The following TUSC3 variants were observed in gnomAD, a reference collection of about 807,000 sequenced individuals.
TUSC3 encodes tumor suppressor candidate 3, also known as dolichyl-diphosphooligosaccharide--protein glycosyltransferase subunit TUSC3.
TUSC3 carries 45 observed loss-of-function variants against 44.8 expected under a neutral mutation model. The observed-to-expected ratio is 1.00, with a 90% CI of 0.79 to 1.29. The LOEUF (loss-of-function observed/expected upper bound fraction) is 1.29. Ranked by LOEUF, TUSC3 falls within the 50% of genes most tolerant of loss-of-function variation. The pLI is 0.00. For missense variants in TUSC3, 519 were observed against 437.9 expected, an observed-to-expected ratio of 1.19 and a Z score of -1.65; for synonymous variants, 212 against 152.9, an observed-to-expected ratio of 1.39 and a Z score of -2.85.
At chr8:15,467,714 T>A (rs1476423485) in intron 1 of TUSC3, among the ~76,000 whole-genome samples, 3 of 152,196 alleles carry the variant, frequency 2.0e-5, no homozygotes, top group Non-Finnish European at 1.5e-5. Flanking sequence ...TCTTAAAGTC[T>A]TTGACCATCT....
Position 15,650,650 on chromosome 8 carries a change from T to G in TUSC3, c.309-47T>G, listed in dbSNP as rs75584637. On this transcript the variant is annotated intron_variant, in intron 2 of 10. Transcript: ENST00000503731. ...TCTGTTTTAATAACTGCTTTGTAGATGCTTCAGTACTGATGTGTTTCTACT... is the reference window on the plus strand; with the variant it reads ...TCTGTTTTAATAACTGCTTTGTAGAGGCTTCAGTACTGATGTGTTTCTACT... 6.2e-3 allele frequency: 9,419 copies of G among 1,527,614 alleles called. 36 individuals are homozygous for G. The highest frequency in any genetic ancestry group is 7.6e-3 in the Non-Finnish European group (8,348 of 1,101,662). 94.6% of individuals were successfully genotyped at this position (1,527,614 alleles called of 1,614,324 possible). A position where few individuals can be genotyped will look rare whatever the true frequency, so the allele number is the denominator to read the frequency against.
chr8:15,435,182 T>C (rs1799930196), intron 1 of TUSC3, among the ~76,000 whole-genome samples: 1 of 151,176 alleles, frequency 6.6e-6, no homozygotes, highest in African/African-American at 2.5e-5. Flanking sequence ...TTTCTCCACA[T>C]CCTCTCCAGC....
At chr8:15,520,736 GC>G (rs1302347412) in intron 2 of TUSC3, among the ~76,000 whole-genome samples, 11 of 152,206 alleles carry the variant, frequency 7.2e-5, no homozygotes, top group South Asian at 2.1e-4. Flanking sequence ...CCTTGTTATT[GC>G]CTTTACCCAC....
At chr8:15,445,119 A>T (rs1309251996) in intron 1 of TUSC3, among the ~76,000 whole-genome samples, 1 of 152,170 alleles carries the variant, frequency 6.6e-6, no homozygotes, top group Admixed American at 6.5e-5. Flanking sequence ...TTCAACTGCA[A>T]ATACATGGGT....
At chr8:15,805,971 A>G in the TUSC3 span, among the ~76,000 whole-genome samples, 1 of 152,294 alleles carries the variant, frequency 6.6e-6, no homozygotes, top group South Asian at 2.1e-4. Context: ...AATTTACAAA[A>G]ACAAAAAATC....
chr8:15,719,819 C>T (rs1433118652), intron 6 of TUSC3, among the ~76,000 whole-genome samples: 3 of 152,046 alleles, frequency 2.0e-5, no homozygotes, highest in East Asian at 3.9e-4. Context: ...CTCAATTCTA[C>T]ACAGAATTCA....
At chr8:15,438,091 A>C (rs5006327) in intron 1 of TUSC3, among the ~76,000 whole-genome samples, 24,718 of 151,678 alleles carry the variant, frequency 0.16, 2,074 homozygotes, top group Middle Eastern at 0.23. Flanking sequence ...TTTGTTGTCG[A>C]TGTGTGTTTT....
rs373598712 is a variant in TUSC3, at chr8:15,704,255, GT to G, written c.799-26394del. 8.1e-3 allele frequency among the ~76,000 whole-genome samples: 1,107 copies of G among 137,004 alleles called. 11 individuals carry two copies. Among genetic ancestry groups the G allele is most frequent in the African/African-American group, 0.027 (999 of 37,082 alleles). The allele number at this position is 137,004 out of a possible 152,430, so 89.9% of individuals were successfully genotyped here. On this transcript the variant is annotated intron_variant, in intron 6 of 10. Coordinates refer to ENST00000503731, the MANE Select transcript of TUSC3 (RefSeq NM_006765.4). Reference sequence around the variant, plus strand: ...CCCCAAAATGGAAACATTCTTAATGGTTTTTTTTTTTTTTTTTGGAATAGCA... The same window carrying G: ...CCCCAAAATGGAAACATTCTTAATGGTTTTTTTTTTTTTTTTGGAATAGCA...
intron 9 of TUSC3, chr8:15,748,930 A>T (rs2129218084): frequency 2.8e-6 from 1 of 362,550 alleles, no homozygotes; most frequent in South Asian, 2.2e-5. Flanking sequence ...TGGTCATTAT[A>T]AATCATCATA....
At chr8:15,612,244 C>G (rs1415926474) in intron 1 of TUSC3, among the ~76,000 whole-genome samples, 1 of 152,236 alleles carries the variant, frequency 6.6e-6, no homozygotes, top group African/African-American at 2.4e-5. Flanking sequence ...ACGTGAATAG[C>G]TGCCCCCCTG....
intron 1 of TUSC3, among the ~76,000 whole-genome samples, chr8:15,435,982 G>T (rs28404099): frequency 0.16 from 24,647 of 152,122 alleles, 2,055 homozygotes; most frequent in Middle Eastern, 0.22. Flanking sequence ...CAGAATCTCT[G>T]ATGCCATCAC....
At chr8:15,739,135 G>T (rs190334426) in intron 7 of TUSC3, among the ~76,000 whole-genome samples, 1 of 151,168 alleles carries the variant, frequency 6.6e-6, no homozygotes, top group Non-Finnish European at 1.5e-5. Context: ...CTGGCCTCTT[G>T]CTTTGTTATT....
chr8:15,460,947 G>A (rs1800336783), intron 1 of TUSC3, among the ~76,000 whole-genome samples: 1 of 152,166 alleles, frequency 6.6e-6, no homozygotes, highest in South Asian at 2.1e-4. Flanking sequence ...AGTATAGTTT[G>A]AAATCAGGTA....
intron 2 of TUSC3, among the ~76,000 whole-genome samples, chr8:15,630,442 TTATA>T (rs1011620680): frequency 1.3e-5 from 2 of 149,342 alleles, no homozygotes; most frequent in Non-Finnish European, 3.0e-5. Flanking sequence ...GTTAAGTCCT[TTATA>T]TATACAGTAT....
At chr8:15,535,906 C>T (rs929958479), upstream of TUSC3, among the ~76,000 whole-genome samples, 4 of 152,136 alleles carry the variant, frequency 2.6e-5, no homozygotes, top group South Asian at 2.1e-4. Flanking sequence ...TTGTCCAACT[C>T]GTGGCCTGCG....
chr8:15,437,395 A>T (rs1585788655), intron 1 of TUSC3, among the ~76,000 whole-genome samples: 1 of 152,096 alleles, frequency 6.6e-6, no homozygotes, highest in East Asian at 1.9e-4. Context: ...AATGTTTCTT[A>T]ATTTTTTATG....
chr8:15,609,753 T>TAA (rs72295454), intron 1 of TUSC3, among the ~76,000 whole-genome samples: 3 of 150,346 alleles, frequency 2.0e-5, no homozygotes, highest in African/African-American at 7.3e-5. Flanking sequence ...AACAAACATT[T>TAA]AAAAAAAAAC....
At chr8:15,657,641 T>C (rs905606325) in intron 3 of TUSC3, among the ~76,000 whole-genome samples, 1 of 152,188 alleles carries the variant, frequency 6.6e-6, no homozygotes, top group East Asian at 1.9e-4. Context: ...AGAATCACCC[T>C]CAGTGCTCCG....
chr8:15,817,040 T>A, the TUSC3 span, among the ~76,000 whole-genome samples: 2 of 151,924 alleles, frequency 1.3e-5, no homozygotes, highest in South Asian at 2.1e-4. Flanking sequence ...ACTTGCTTTT[T>A]AAAAAAAAAT....
Sources: allele counts gnomAD v4.1 joint callset (sites outside exome capture counted in the v4.1 genomes callset), GRCh38; gene constraint gnomAD v4.1.1; transcripts MANE v1.5; gene names NCBI Gene and HGNC (gene_info 2026-07-23, HGNC 2026-07-21).